SPAG16: variants seen among roughly 807,000 people sequenced by gnomAD.
SPAG16 encodes the protein sperm associated antigen 16.
In SPAG16, 86 loss-of-function variants were observed where a neutral mutation model predicts 80.4. The observed-to-expected ratio is 1.07, with a 90% CI of 0.90 to 1.28. The LOEUF is 1.28. Ranked by LOEUF, SPAG16 falls within the 50% of genes most tolerant of loss-of-function variation. The probability of loss-of-function intolerance (pLI) is 0.00; values close to 1 mark genes in which losing one functional copy is unlikely to be tolerated. For missense variants in SPAG16, 870 were observed against 765.3 expected, an observed-to-expected ratio of 1.14 and a Z score of -1.61; for synonymous variants, 294 against 265.9, an observed-to-expected ratio of 1.11 and a Z score of -1.03.
At chr2:213,625,288 C>A (rs944407809) in intron 10 of SPAG16, among the ~76,000 whole-genome samples, 6 of 152,122 alleles carry the variant, frequency 3.9e-5, no homozygotes, top group East Asian at 1.9e-4. Context: ...ACAATCATGG[C>A]AGAAGGGGAA....
chr2:213,642,820 CAAAAAAAAAAAA>C (rs766759239), intron 10 of SPAG16, among the ~76,000 whole-genome samples: 17 of 1,136 alleles, frequency 0.015, 5 homozygotes, highest in Admixed American at 0.096. Flanking sequence ...GACTCTGTCT[CAAAAAAAAAAAA>C]AAAAAAAAAA....
chr2:213,381,703 C>T (rs947922650), intron 9 of SPAG16, among the ~76,000 whole-genome samples: 1 of 152,156 alleles, frequency 6.6e-6, no homozygotes, highest in Non-Finnish European at 1.5e-5. Flanking sequence ...ACCCATGGGA[C>T]ACCAATATTT....
At chr2:213,404,343 C>G (rs940656662) in intron 9 of SPAG16, among the ~76,000 whole-genome samples, 1 of 152,160 alleles carries the variant, frequency 6.6e-6, no homozygotes, top group Non-Finnish European at 1.5e-5. Context: ...CAGCATGGTA[C>G]TGGTACCAAA....
chr2:213,687,287 T>C (rs2064727617), intron 10 of SPAG16, among the ~76,000 whole-genome samples: 1 of 152,200 alleles, frequency 6.6e-6, no homozygotes, highest in African/African-American at 2.4e-5. Context: ...GTACAAGTCA[T>C]TTATCACTTG....
At chr2:213,735,213 C>T (rs2067230004) in intron 10 of SPAG16, among the ~76,000 whole-genome samples, 1 of 152,116 alleles carries the variant, frequency 6.6e-6, no homozygotes, top group African/African-American at 2.4e-5. Context: ...TATGTAGGTG[C>T]TGGTTCTAGA....
At chr2:214,224,106 G>T (rs531244709) in intron 15 of SPAG16, among the ~76,000 whole-genome samples, 31 of 152,262 alleles carry the variant, frequency 2.0e-4, no homozygotes, top group Admixed American at 1.4e-3. Context: ...AAAGGGCCTT[G>T]AAAGTTAAGC....
chr2:213,879,823 T>C (rs78390075), intron 11 of SPAG16, among the ~76,000 whole-genome samples: 5,564 of 152,282 alleles, frequency 0.037, 126 homozygotes, highest in East Asian at 0.078. Flanking sequence ...TTCATTCCTT[T>C]ATATGGCTGT....
chr2:214,368,829 A>G (rs1293328990), intron 15 of SPAG16, among the ~76,000 whole-genome samples: 1 of 152,022 alleles, frequency 6.6e-6, no homozygotes, highest in African/African-American at 2.4e-5. Flanking sequence ...AAACCCTTAT[A>G]CCTCTAAGAA....
chr2:213,645,225 G>A (rs2062777763), intron 10 of SPAG16, among the ~76,000 whole-genome samples: 1 of 152,134 alleles, frequency 6.6e-6, no homozygotes, highest in Admixed American at 6.5e-5. Flanking sequence ...ATGAGGAACT[G>A]GACTGGAACT....
intron 15 of SPAG16, among the ~76,000 whole-genome samples, chr2:214,311,231 G>A (rs1315337886): frequency 6.6e-6 from 1 of 152,090 alleles, no homozygotes; most frequent in Non-Finnish European, 1.5e-5. Context: ...ACACTCGAAG[G>A]ACTATACCTC....
chr2:213,817,856 C>T (rs548077299), intron 10 of SPAG16, among the ~76,000 whole-genome samples: 1 of 152,212 alleles, frequency 6.6e-6, no homozygotes, highest in Admixed American at 6.5e-5. Context: ...TGAAAAACTA[C>T]TGGGTACTAT....
intron 13 of SPAG16, among the ~76,000 whole-genome samples, chr2:214,085,694 G>A (rs1054874549): frequency 4.6e-5 from 7 of 152,126 alleles, no homozygotes; most frequent in Admixed American, 1.3e-4. Context: ...AGACTACAAA[G>A]AGAACAATTC....
chr2:213,306,891 C>G (rs1285553547), intron 3 of SPAG16, among the ~76,000 whole-genome samples: 2 of 152,154 alleles, frequency 1.3e-5, no homozygotes, highest in Non-Finnish European at 2.9e-5. Context: ...CCTCTTTCAG[C>G]AATATGAAGT....
At chr2:213,860,812 G>A (rs575961600) in intron 10 of SPAG16, among the ~76,000 whole-genome samples, 2 of 152,064 alleles carry the variant, frequency 1.3e-5, no homozygotes, top group Non-Finnish European at 2.9e-5. Flanking sequence ...CTTAAAGAGG[G>A]TAATTTATCA....
intron 13 of SPAG16, among the ~76,000 whole-genome samples, chr2:214,020,883 A>G (rs1340988135): frequency 6.6e-6 from 1 of 152,322 alleles, no homozygotes; most frequent in South Asian, 2.1e-4. Flanking sequence ...TTTAAAGGTT[A>G]CTGCCCTTAT....
rs993076670 is a variant in SPAG16, at chr2:213,689,781, G to C, written c.1071-172704G>C. 2.0e-5 allele frequency among the ~76,000 whole-genome samples: 3 copies of C among 152,198 alleles called. No individual in the cohort carries two copies. The East Asian group carries it at 5.8e-4, about 29-fold the overall frequency. ...GAATATTCGAGGAGAATTGTTTACAGATGTCTGGAATTTTCTCTCTGCTGC... is the reference window on the plus strand; with the variant it reads ...GAATATTCGAGGAGAATTGTTTACACATGTCTGGAATTTTCTCTCTGCTGC... On this transcript the variant is annotated intron_variant, in intron 10 of 15. Coordinates refer to ENST00000331683, the MANE Select transcript of SPAG16 (RefSeq NM_024532.5).
At chr2:213,778,058 G>A (rs182638701) in intron 10 of SPAG16, among the ~76,000 whole-genome samples, 1 of 152,112 alleles carries the variant, frequency 6.6e-6, no homozygotes, top group African/African-American at 2.4e-5. Context: ...AATACTGTAT[G>A]TATAAGCTGT....
intron 10 of SPAG16, among the ~76,000 whole-genome samples, chr2:213,775,730 G>T (rs968854521): frequency 5.9e-5 from 9 of 152,148 alleles, no homozygotes; most frequent in African/African-American, 1.2e-4. Context: ...CATAGTATTT[G>T]TTCTTCTTGC....
rs537149287 is a variant in SPAG16 at position 213,348,539 on chromosome 2, T to C, written c.645-1989T>C. ...ACCGGTTGTTCCTTTCCATGTTTAG[T>C]GCTTCCTTCAGGAGCTCTTTTAGGG... On this transcript the variant is annotated intron_variant, in intron 6 of 15. Coordinates refer to ENST00000331683, the MANE Select transcript of SPAG16 (RefSeq NM_024532.5). 8.1e-3 allele frequency among the ~76,000 whole-genome samples: 1,233 copies of C among 152,318 alleles called. 20 individuals carry two copies. Among genetic ancestry groups the C allele is most frequent in the African/African-American group, 0.028 (1,167 of 41,570 alleles).
Sources: allele counts gnomAD v4.1 joint callset (sites outside exome capture counted in the v4.1 genomes callset), GRCh38; gene constraint gnomAD v4.1.1; transcripts MANE v1.5; gene names NCBI Gene and HGNC (gene_info 2026-07-23, HGNC 2026-07-21).